FGD3: variants seen among roughly 807,000 people sequenced by gnomAD.
The protein encoded by FGD3 is FYVE, RhoGEF and PH domain-containing protein 3.
A neutral mutation model predicts 71.8 loss-of-function variants in FGD3; 45 were observed. The ratio of observed to expected loss-of-function variants is 0.63; its 90% confidence interval spans 0.49 to 0.80. FGD3 has a LOEUF of 0.80. FGD3 is among the 30% of genes least tolerant of loss of function. FGD3 has a pLI of 0.00. For missense variants in FGD3, 844 were observed against 951.5 expected, an observed-to-expected ratio of 0.89 and a Z score of 1.49; for synonymous variants, 378 against 392.8, an observed-to-expected ratio of 0.96 and a Z score of 0.44.
At chr9:92,957,827 G>A (rs976273501) in intron 1 of FGD3, among the ~76,000 whole-genome samples, 1 of 150,726 alleles carries the variant, frequency 6.6e-6, no homozygotes, top group Non-Finnish European at 1.5e-5. Flanking sequence ...GAGTACAGGC[G>A]TGCACCACTA....
chr9:93,006,143 G>A lies in FGD3; in HGVS notation c.800G>A (p.Arg267His), dbSNP rs758500993. 1.8e-5 allele frequency: 29 copies of A among 1,608,322 alleles called. No individual in the cohort carries two copies. Among genetic ancestry groups the A allele is most frequent in the Non-Finnish European group, 3.4e-6 (4 of 1,177,162 alleles). ...AVGLVSTWTQRSPLFKDVVHS... is the reference protein window; with the variant it reads ...AVGLVSTWTQHSPLFKDVVHS... Reference sequence around the variant, plus strand: ...GGGCTGGTGAGCACGTGGACCCAGCGCTCCCCACTGTTTAAAGACGTCGTC... The same window carrying A: ...GGGCTGGTGAGCACGTGGACCCAGCACTCCCCACTGTTTAAAGACGTCGTC... Residue 267 changes from arginine (R) to histidine (H), a missense_variant, in exon 6 of 18, where the codon CGC becomes CAC. Transcript: ENST00000375482.
At position 93,006,330 on chromosome 9, in the gene FGD3, G is replaced by T. The variant is rs1252508906; in HGVS notation, c.837+150G>T. 4 of 797,040 alleles carry T rather than the reference G, an allele frequency of 5.0e-6. No individual in the cohort carries two copies. In the African/African-American group the frequency reaches 7.1e-5, roughly 14 times the overall value. The allele number at this position is 797,040 out of a possible 1,614,324, so 49.4% of individuals were successfully genotyped here. ...AATTTTGGAACATAGAGAAAATTAG[G>T]AAAATTATGGGATGTGCCCAGATGT... is the stretch of plus-strand genomic sequence containing the variant. On this transcript the variant is annotated intron_variant, in intron 6 of 17. Coordinates refer to ENST00000375482, the MANE Select transcript of FGD3 (RefSeq NM_001083536.2).
At chr9:93,018,035 CTG>C (rs1309426191) in intron 10 of FGD3, 99 bp from the exon 11 acceptor site, 2 of 1,140,982 alleles carry the variant, frequency 1.8e-6, no homozygotes, top group Non-Finnish European at 2.6e-6. Flanking sequence ...AGGCTCACCT[CTG>C]TTACCTCCTT....
intron 1 of FGD3, among the ~76,000 whole-genome samples, chr9:92,960,018 G>T (rs1233160487): frequency 6.6e-6 from 1 of 151,812 alleles, no homozygotes; most frequent in Non-Finnish European, 1.5e-5. Context: ...ACGTCCCCGA[G>T]TCCCTGTGTT....
intron 3 of FGD3, among the ~76,000 whole-genome samples, chr9:92,992,990 C>T (rs1361129312): frequency 2.6e-5 from 4 of 152,186 alleles, no homozygotes; most frequent in African/African-American, 9.7e-5. Flanking sequence ...GGTGCCTCCA[C>T]ACTGCTCTCT....
intron 14 of FGD3, among the ~76,000 whole-genome samples, chr9:93,027,142 G>A (rs1862144829): frequency 6.6e-6 from 1 of 152,186 alleles, no homozygotes; most frequent in South Asian, 2.1e-4. Context: ...CACAGCGAGT[G>A]AGAGTCCCTG....
chr9:93,022,209 C>G, intron 13 of FGD3, 118 bp from the exon 14 acceptor site: 1 of 973,838 alleles, frequency 1.0e-6, no homozygotes, highest in South Asian at 1.8e-5. Flanking sequence ...GGAAATCCTG[C>G]TCCCGAGCCT....
At chr9:93,019,302 T>G (rs1412071477) in intron 11 of FGD3, among the ~76,000 whole-genome samples, 3 of 152,146 alleles carry the variant, frequency 2.0e-5, no homozygotes, top group African/African-American at 7.2e-5. Context: ...AACACAATTT[T>G]CCATTATGAT....
intron 6 of FGD3, 137 bp downstream of exon 6, chr9:93,006,317 T>C (rs955747449): frequency 4.2e-6 from 4 of 947,324 alleles, no homozygotes; most frequent in South Asian, 3.6e-5. Flanking sequence ...TTTTGGAACA[T>C]AGAGAAAATT....
At chr9:92,954,498 C>T (rs989933243) in intron 1 of FGD3, among the ~76,000 whole-genome samples, 2 of 152,122 alleles carry the variant, frequency 1.3e-5, no homozygotes, top group Non-Finnish European at 2.9e-5. Context: ...CCCGTGTGGC[C>T]CAAGTGACTG....
rs763782728 is a variant in FGD3, at chr9:93,022,390, G to A, written c.1557+1G>A. 2 of 1,612,330 alleles carry A rather than the reference G, an allele frequency of 1.2e-6. No homozygotes were observed. The highest frequency in any genetic ancestry group is 1.7e-6 in the Non-Finnish European group (2 of 1,179,244). ...CGAAGGCAGTTCGGGTGCAGCAGGGGTAAGTGCCCCATGCTCAGCGGTCAG... is the reference window on the plus strand; with the variant it reads ...CGAAGGCAGTTCGGGTGCAGCAGGGATAAGTGCCCCATGCTCAGCGGTCAG... On this transcript the variant is annotated splice_donor_variant, in intron 14 of 17. Coordinates refer to ENST00000375482, the MANE Select transcript of FGD3 (RefSeq NM_001083536.2). LOFTEE classifies it high-confidence loss of function.
At chr9:92,956,721 A>G (rs963347409) in intron 1 of FGD3, among the ~76,000 whole-genome samples, 3 of 152,232 alleles carry the variant, frequency 2.0e-5, no homozygotes, top group Non-Finnish European at 4.4e-5. Context: ...ACTGCCTTCC[A>G]GAGTACCACA....
rs1321668329 is a variant in FGD3, at chr9:93,003,396, T to C, written c.543+382T>C. 2.6e-5 allele frequency among the ~76,000 whole-genome samples: 4 copies of C among 152,244 alleles called. No individual in the cohort carries two copies. Among genetic ancestry groups the C allele is most frequent in the Non-Finnish European group, 5.9e-5 (4 of 68,042 alleles). On this transcript the variant is annotated intron_variant, in intron 4 of 17. Transcript: ENST00000375482. This position sits in a 1 kb window ranked among gnomAD's most constrained non-coding sequence, Gnocchi z 4.1. ...CACCAGCCTCGGCCTCCCAAAGTCC[T>C]GGGATTACAGGCGTGAGCCACCACG...
chr9:92,980,149 T>C (rs543083473), intron 3 of FGD3, among the ~76,000 whole-genome samples: 1 of 151,972 alleles, frequency 6.6e-6, no homozygotes, highest in East Asian at 1.9e-4. Context: ...GCCTCCCGAG[T>C]AGCTGAGACT....
chr9:93,026,201 C>A (rs529174470), intron 14 of FGD3, among the ~76,000 whole-genome samples: 1 of 152,144 alleles, frequency 6.6e-6, no homozygotes, highest in East Asian at 1.9e-4. Flanking sequence ...TCTGGGTCAA[C>A]GCTGGTGTGT....
intron 14 of FGD3, among the ~76,000 whole-genome samples, chr9:93,028,333 A>C (rs1250747144): frequency 1.0e-5 from 1 of 95,466 alleles, no homozygotes; most frequent in Non-Finnish European, 1.9e-5. Flanking sequence ...GTTTTCTTTT[A>C]AACAGGAAAA....
chr9:93,028,212 A>ACACG lies in FGD3; in HGVS notation c.1558-1659_1558-1658insGCAC, dbSNP rs533043161. ...CCCTAGCCCCGACACACACACACAC[A>ACACG]CACACGCACACACACACACACACAC... On this transcript the variant is annotated intron_variant, in intron 14 of 17. Transcript: ENST00000375482. Among the ~76,000 whole-genome samples, 5 of 81,598 alleles carry ACACG rather than the reference A, an allele frequency of 6.1e-5. 1 individual carries two copies. In the South Asian group the frequency reaches 9.9e-4, roughly 16 times the overall value. 53.5% of individuals were successfully genotyped at this position (81,598 alleles called of 152,430 possible). A position where few individuals can be genotyped will look rare whatever the true frequency, so the allele number is the denominator to read the frequency against.
At chr9:93,035,277 C>A in intron 17 of FGD3, 61 bp from the exon 18 acceptor site, 2 of 1,564,246 alleles carry the variant, frequency 1.3e-6, no homozygotes, top group Non-Finnish European at 1.7e-6. Context: ...GCCCCCATCA[C>A]TGAGGTGAGC....
chr9:92,981,921 T>C (rs1280309662), intron 3 of FGD3, among the ~76,000 whole-genome samples: 1 of 152,184 alleles, frequency 6.6e-6, no homozygotes, highest in Non-Finnish European at 1.5e-5. Context: ...ATAGAATATA[T>C]AGTGATTAGA....
Sources: allele counts gnomAD v4.1 joint callset (sites outside exome capture counted in the v4.1 genomes callset), GRCh38; gene constraint gnomAD v4.1.1; non-coding constraint Gnocchi (gnomAD v3.1); transcripts MANE v1.5; gene names NCBI Gene and HGNC (gene_info 2026-07-23, HGNC 2026-07-21).